Variants in FHIT observed in about 807,000 individuals in gnomAD.
FHIT encodes the protein bis(5'-adenosyl)-triphosphatase.
FHIT carries 19 observed loss-of-function variants against 17.9 expected under a neutral mutation model. The ratio of observed to expected loss-of-function variants is 1.06; its 90% CI spans 0.74 to 1.56. The LOEUF is 1.56. Among genes scored for constraint, FHIT ranks in the 40% most tolerant of loss-of-function variants. The probability of loss-of-function intolerance (pLI) is 0.00; values close to 1 mark genes in which losing one functional copy is unlikely to be tolerated. For synonymous variants in FHIT, 81 were observed against 69.7 expected (o/e 1.16, Z -0.81); for missense variants, 248 against 189.2 (o/e 1.31, Z -1.82).
chr3:60,510,771 A>C (rs1002888745), intron 5 of FHIT, among the ~76,000 whole-genome samples: 1 of 152,184 alleles, frequency 6.6e-6, no homozygotes, highest in African/African-American at 2.4e-5. Flanking sequence ...AATCCAAAAT[A>C]TTAAATTTAA....
At chr3:60,824,834 G>A (rs1167698636) in intron 3 of FHIT, among the ~76,000 whole-genome samples, 1 of 152,080 alleles carries the variant, frequency 6.6e-6, no homozygotes, top group African/African-American at 2.4e-5. Flanking sequence ...GCTCCTCCTT[G>A]CCTTCCACCA....
intron 4 of FHIT, among the ~76,000 whole-genome samples, chr3:60,754,204 C>T (rs1294539631): frequency 6.6e-5 from 10 of 152,202 alleles, no homozygotes; most frequent in African/African-American, 2.4e-4. Flanking sequence ...CCACTTTGCA[C>T]TCTTTCTCGG....
intron 5 of FHIT, among the ~76,000 whole-genome samples, chr3:60,465,871 C>G (rs983822462): frequency 6.6e-6 from 1 of 151,972 alleles, no homozygotes; most frequent in African/African-American, 2.4e-5. Context: ...TATTCTGGGT[C>G]TTTTGTGGTA....
chr3:60,356,045 G>C (rs1441045606), intron 5 of FHIT, among the ~76,000 whole-genome samples: 2 of 152,124 alleles, frequency 1.3e-5, no homozygotes, highest in African/African-American at 4.8e-5. Context: ...TGCCATGAAA[G>C]AACACTGTAG....
At position 60,408,029 on chromosome 3, in the gene FHIT, C is replaced by T. The variant is rs149486365; in HGVS notation, c.103+128831G>A. Among the ~76,000 whole-genome samples the T allele has an allele frequency of 3.9e-5, 6 of 152,242 alleles. No individual in the cohort carries two copies. In the East Asian group the frequency reaches 9.6e-4, roughly 24 times the overall value. On this transcript the variant is annotated intron_variant, in intron 5 of 9. Coordinates refer to ENST00000492590, the MANE Select transcript of FHIT (RefSeq NM_002012.4). Reference sequence around the variant, plus strand: ...AAGGCTCTACCAATGACAGCACATGCCTCATTTTAAAGCTATCTGAGAAAA... The same window carrying T: ...AAGGCTCTACCAATGACAGCACATGTCTCATTTTAAAGCTATCTGAGAAAA...
intron 5 of FHIT, 44 bp from the exon 6 acceptor site, chr3:60,014,196 G>A (rs776725788): frequency 3.1e-6 from 5 of 1,607,266 alleles, no homozygotes; most frequent in Non-Finnish European, 4.3e-6. Flanking sequence ...GCTTTGGGTA[G>A]TGTTCTTACC....
chr3:60,672,849 G>T, intron 4 of FHIT, among the ~76,000 whole-genome samples: 1 of 114,752 alleles, frequency 8.7e-6, no homozygotes. Context: ...CCACTATTAG[G>T]GTTTTTAATT....
chr3:60,236,576 C>G (rs1315665545), intron 5 of FHIT, among the ~76,000 whole-genome samples: 2 of 152,088 alleles, frequency 1.3e-5, no homozygotes, highest in African/African-American at 4.8e-5. Context: ...AATTATTTAT[C>G]TGTAAGCAGT....
intron 5 of FHIT, among the ~76,000 whole-genome samples, chr3:60,021,781 T>A (rs1700561554): frequency 6.6e-6 from 1 of 152,172 alleles, no homozygotes. Flanking sequence ...CCATGCTGTT[T>A]CAATGCCTCT....
intron 8 of FHIT, among the ~76,000 whole-genome samples, chr3:59,797,068 A>C (rs1283224022): frequency 2.0e-5 from 3 of 152,234 alleles, no homozygotes; most frequent in South Asian, 2.1e-4. Context: ...ATCATTGCTA[A>C]AGTTCTAACA....
At chr3:59,841,289 C>T (rs1485729) in intron 8 of FHIT, among the ~76,000 whole-genome samples, 11,405 of 152,198 alleles carry the variant, frequency 0.075, 521 homozygotes, top group Non-Finnish European at 0.11. Context: ...ATATGTACCA[C>T]CCAGGTTGCC....
Position 61,204,551 on chromosome 3 carries a change from T to C in FHIT, c.-212-3886A>G, listed in dbSNP as rs548733254. Among the ~76,000 whole-genome samples the C allele has an allele frequency of 1.1e-3, 173 of 152,262 alleles. No homozygotes were observed. The Middle Eastern group carries it at 0.037, about 33-fold the overall frequency. ...AAGAAGCAAAGGAAAACACGCTGAA[T>C]AGAATATAAAAAAGAAAATATTTTA... On this transcript the variant is annotated intron_variant, in intron 1 of 9. Coordinates refer to ENST00000492590, the MANE Select transcript of FHIT (RefSeq NM_002012.4).
At chr3:61,250,544 T>G (rs1284133906) in intron 1 of FHIT, among the ~76,000 whole-genome samples, 3 of 152,170 alleles carry the variant, frequency 2.0e-5, no homozygotes, top group Admixed American at 1.3e-4. Flanking sequence ...GTTTCCCAGA[T>G]AAGCGCTGTG....
chr3:61,212,432 C>T (rs1453614510), intron 1 of FHIT, among the ~76,000 whole-genome samples: 1 of 152,032 alleles, frequency 6.6e-6, no homozygotes, highest in Non-Finnish European at 1.5e-5. Context: ...TGAAATGAAG[C>T]AAGAAGAGAA....
intron 2 of FHIT, among the ~76,000 whole-genome samples, chr3:61,172,875 T>C (rs1196703325): frequency 1.3e-5 from 2 of 152,144 alleles, no homozygotes; most frequent in Non-Finnish European, 2.9e-5. Context: ...AGAAGGCTAT[T>C]GTGGTTTTCC....
chr3:60,377,522 C>A (rs1415789539), intron 5 of FHIT, among the ~76,000 whole-genome samples: 1 of 129,628 alleles, frequency 7.7e-6, no homozygotes, highest in African/African-American at 3.0e-5. Flanking sequence ...TCGCCCAGGC[C>A]GGACTGCGGA....
intron 3 of FHIT, among the ~76,000 whole-genome samples, chr3:60,871,903 T>C (rs1408692182): frequency 6.6e-6 from 1 of 152,092 alleles, no homozygotes; most frequent in African/African-American, 2.4e-5. Flanking sequence ...ACTCAAATGA[T>C]CCTCCTGCCT....
rs977381589 is a variant in FHIT at position 61,213,995 on chromosome 3, C to G, written c.-212-13330G>C. 1.6e-4 allele frequency among the ~76,000 whole-genome samples: 24 copies of G among 151,992 alleles called. No homozygotes were observed. The East Asian group carries it at 4.4e-3, about 28-fold the overall frequency. Reference sequence around the variant, plus strand: ...CACAACATACCAGAATCTCTGGGACCCATTCAAAGCAGTGTATAGAGGGAA... The same window carrying G: ...CACAACATACCAGAATCTCTGGGACGCATTCAAAGCAGTGTATAGAGGGAA... On this transcript the variant is annotated intron_variant, in intron 1 of 9. Coordinates refer to ENST00000492590, the MANE Select transcript of FHIT (RefSeq NM_002012.4).
chr3:60,305,739 G>A (rs1247359250), intron 5 of FHIT, among the ~76,000 whole-genome samples: 2 of 152,084 alleles, frequency 1.3e-5, no homozygotes, highest in Non-Finnish European at 2.9e-5. Flanking sequence ...TCAGAATGCA[G>A]TGCAATAGAC....
Sources: gnomAD v4.1 joint callset for allele counts (sites outside exome capture counted in the v4.1 genomes callset) on GRCh38, gnomAD v4.1.1 for gene constraint, MANE v1.5 for transcripts, NCBI Gene and HGNC (gene_info 2026-07-23, HGNC 2026-07-21) for gene names.